Variants in SHANK2 observed in about 807,000 individuals in gnomAD.
The protein encoded by SHANK2 is SH3 and multiple ankyrin repeat domains protein 2.
A neutral mutation model predicts 133.7 loss-of-function variants in SHANK2; 43 were observed. The observed-to-expected ratio is 0.32, with a 90% confidence interval of 0.25 to 0.41. SHANK2 has a LOEUF of 0.41. Among genes scored for constraint, SHANK2 ranks in the 10% least tolerant of loss-of-function variants. The pLI, the probability that SHANK2 is intolerant of heterozygous loss-of-function variation, is 1.00. For synonymous variants in SHANK2, 1,017 were observed against 952.8 expected, an observed-to-expected ratio of 1.07 and a Z score of -1.24; for missense variants, 1,994 against 2,235.8, an observed-to-expected ratio of 0.89 and a Z score of 2.18.
intron 17 of SHANK2, among the ~76,000 whole-genome samples, chr11:70,559,405 G>A (rs1357366763): frequency 2.0e-5 from 3 of 152,086 alleles, no homozygotes; most frequent in Non-Finnish European, 4.4e-5. Context: ...CACACACCAC[G>A]CTTCTTTTTC....
chr11:70,641,080 C>CT (rs1320841246), intron 17 of SHANK2, among the ~76,000 whole-genome samples: 1 of 148,672 alleles, frequency 6.7e-6, no homozygotes, highest in Non-Finnish European at 1.5e-5. Context: ...CTTTACTATG[C>CT]TTTTTTTTCT....
intron 25 of SHANK2, among the ~76,000 whole-genome samples, chr11:70,481,187 G>A (rs1446710457): frequency 6.6e-6 from 1 of 152,238 alleles, no homozygotes; most frequent in Non-Finnish European, 1.5e-5. Context: ...CCTGGGAGAT[G>A]CCTCTAATAT....
intron 14 of SHANK2, among the ~76,000 whole-genome samples, chr11:70,723,366 C>T (rs1209336092): frequency 6.6e-6 from 1 of 150,902 alleles, no homozygotes; most frequent in Admixed American, 6.6e-5. Context: ...CTTGGGGAAC[C>T]CCATCTAGCA....
At chr11:70,666,402 C>T (rs986522204) in intron 15 of SHANK2, among the ~76,000 whole-genome samples, 12 of 152,206 alleles carry the variant, frequency 7.9e-5, no homozygotes, top group African/African-American at 2.4e-4. Context: ...GGGGGTCTCA[C>T]ACGCAGGCCT....
intron 14 of SHANK2, among the ~76,000 whole-genome samples, chr11:70,714,092 G>A (rs946515896): frequency 3.9e-5 from 6 of 152,216 alleles, no homozygotes; most frequent in African/African-American, 9.6e-5. Context: ...CCTGGCCAAT[G>A]AGACAGGAGC....
chr11:70,933,288 TA>T (rs1555082842), intron 10 of SHANK2: 1 of 455,002 alleles, frequency 2.2e-6, no homozygotes, highest in Non-Finnish European at 4.4e-6. Context: ...ACTGTAGGAT[TA>T]AACTTAAATG....
chr11:70,792,084 A>C (rs10899515), intron 14 of SHANK2, among the ~76,000 whole-genome samples: 39,893 of 151,906 alleles, frequency 0.26, 7,609 homozygotes, highest in African/African-American at 0.54. Context: ...TCCAACCAAC[A>C]AACCAATCAG....
At chr11:70,890,487 AC>A (rs1244856765) in intron 11 of SHANK2, among the ~76,000 whole-genome samples, 3 of 21,586 alleles carry the variant, frequency 1.4e-4, no homozygotes, top group African/African-American at 1.9e-4. Context: ...AAAAAAAAAA[AC>A]AAAAAAAACA....
chr11:70,845,216 A>AG lies in SHANK2; in HGVS notation c.1175-24535_1175-24534insC, dbSNP rs1555062894. Among the ~76,000 whole-genome samples, 16 of 142,262 alleles carry AG rather than the reference A, an allele frequency of 1.1e-4. No individual in the cohort carries two copies. In the East Asian group the frequency reaches 3.1e-3, roughly 28 times the overall value. The allele number at this position is 142,262 out of a possible 152,430, so 93.3% of individuals were successfully genotyped here. A position where few individuals can be genotyped will look rare whatever the true frequency, so the allele number is the denominator to read the frequency against. On this transcript the variant is annotated intron_variant, in intron 11 of 25. Transcript: ENST00000601538. ...TCTGTCTCAAAAAAAAAAAAAAAAA[A>AG]AAAGAAAAAGAAAGAAAGAAAAGAA...
intron 14 of SHANK2, among the ~76,000 whole-genome samples, chr11:70,738,960 G>A (rs1946466090): frequency 6.6e-6 from 1 of 152,242 alleles, no homozygotes; most frequent in Admixed American, 6.5e-5. Context: ...ACTTTCCCAT[G>A]TAGGGAGGGG....
At chr11:70,909,523 G>A (rs1378862808) in intron 10 of SHANK2, among the ~76,000 whole-genome samples, 2 of 152,084 alleles carry the variant, frequency 1.3e-5, no homozygotes, top group Non-Finnish European at 2.9e-5. Context: ...CCACCCTCAC[G>A]GCATGCCTTG....
chr11:70,579,905 C>T (rs1261971769), intron 17 of SHANK2, among the ~76,000 whole-genome samples: 1 of 152,192 alleles, frequency 6.6e-6, no homozygotes. Context: ...GATGGAGGAC[C>T]ACAAGCCAAG....
intron 17 of SHANK2, among the ~76,000 whole-genome samples, chr11:70,547,549 C>A (rs531239021): frequency 6.6e-6 from 1 of 152,138 alleles, no homozygotes; most frequent in African/African-American, 2.4e-5. Context: ...GCATGAGCCA[C>A]CGCACCTGTC....
chr11:70,865,187 G>A (rs1394889717), intron 11 of SHANK2: 4 of 152,184 alleles, frequency 2.6e-5, no homozygotes, highest in Non-Finnish European at 5.9e-5. Flanking sequence ...AGATCCCATG[G>A]AGTGGGGTTC....
At chr11:70,718,393 G>A (rs1176549554) in intron 14 of SHANK2, among the ~76,000 whole-genome samples, 1 of 152,214 alleles carries the variant, frequency 6.6e-6, no homozygotes, top group South Asian at 2.1e-4. Flanking sequence ...AGGTGGCCCT[G>A]GCCCAAGGCG....
At chr11:71,170,959 A>ATG (rs1953301632) in intron 2 of SHANK2, among the ~76,000 whole-genome samples, 1 of 152,220 alleles carries the variant, frequency 6.6e-6, no homozygotes, top group African/African-American at 2.4e-5. Flanking sequence ...GACAGCAGAA[A>ATG]TGTGTGTGTG....
intron 6 of SHANK2, among the ~76,000 whole-genome samples, chr11:71,107,988 GA>G (rs1400539851): frequency 9.4e-4 from 143 of 152,290 alleles, no homozygotes; most frequent in Non-Finnish European, 1.2e-4. Context: ...AGCAGCATCA[GA>G]AATAGCCCTC....
intron 14 of SHANK2, among the ~76,000 whole-genome samples, chr11:70,776,557 C>G (rs576598206): frequency 6.6e-6 from 1 of 152,272 alleles, no homozygotes; most frequent in African/African-American, 2.4e-5. Flanking sequence ...AAAGACATCT[C>G]ATTGGGTAAT....
chr11:71,145,074 G>C (rs1369239012), intron 3 of SHANK2, among the ~76,000 whole-genome samples: 1 of 152,118 alleles, frequency 6.6e-6, no homozygotes, highest in African/African-American at 2.4e-5. Flanking sequence ...AATAATATAG[G>C]AGAAGGAACT....
Sources: allele counts gnomAD v4.1 joint callset (sites outside exome capture counted in the v4.1 genomes callset), GRCh38; gene constraint gnomAD v4.1.1; transcripts MANE v1.5; gene names NCBI Gene and HGNC (gene_info 2026-07-23, HGNC 2026-07-21).